Variants in RNF115 observed in about 807,000 individuals in gnomAD.
RNF115 encodes E3 ubiquitin-protein ligase RNF115.
RNF115 carries 31 observed loss-of-function variants against 39.2 expected under a neutral mutation model. The ratio of observed to expected loss-of-function variants is 0.79; its 90% CI spans 0.59 to 1.07. RNF115 has a LOEUF of 1.07. Ranked by LOEUF, RNF115 falls within the 50% of genes least tolerant of loss-of-function variation. The pLI is 0.00. For missense variants in RNF115, 384 were observed against 381.7 expected (o/e 1.01, Z -0.05); for synonymous variants, 124 against 131.0 (o/e 0.95, Z 0.37).
chr1:145,761,686 G>C (rs1658512505), intron 4 of RNF115, among the ~76,000 whole-genome samples: 1 of 152,270 alleles, frequency 6.6e-6, no homozygotes, highest in African/African-American at 2.4e-5. Flanking sequence ...CTAGGGCGGT[G>C]CGGAAGGAAA....
chr1:145,811,044 A>G (rs1198136710), intron 1 of RNF115, among the ~76,000 whole-genome samples: 11 of 147,420 alleles, frequency 7.5e-5, no homozygotes, highest in African/African-American at 2.5e-4. Flanking sequence ...TTTTAAAAAA[A>G]TTTTTTGTAG....
At chr1:145,756,846 T>C (rs1285466053) in intron 4 of RNF115, among the ~76,000 whole-genome samples, 1 of 144,236 alleles carries the variant, frequency 6.9e-6, no homozygotes. Context: ...TTTTTTTTTT[T>C]TTTTTTTTTT....
chr1:145,788,685 T>A, intron 2 of RNF115: 2 of 657,488 alleles, frequency 3.0e-6, no homozygotes, highest in South Asian at 3.0e-5. Flanking sequence ...TATCACCACA[T>A]CTGCTATGAT....
chr1:145,774,494 C>T (rs782633243), intron 3 of RNF115, among the ~76,000 whole-genome samples: 7 of 152,018 alleles, frequency 4.6e-5, no homozygotes, highest in Non-Finnish European at 8.8e-5. Flanking sequence ...GGATTACAGG[C>T]ATGTGACACC....
intron 1 of RNF115, among the ~76,000 whole-genome samples, chr1:145,808,871 G>T (rs1224618560): frequency 1.2e-4 from 18 of 152,228 alleles, no homozygotes; most frequent in African/African-American, 4.1e-4. Flanking sequence ...ATAAGTTTGA[G>T]AGCAAAAATA....
chr1:145,802,567 A>G (rs1450018092), intron 1 of RNF115, among the ~76,000 whole-genome samples: 2 of 152,202 alleles, frequency 1.3e-5, no homozygotes, highest in East Asian at 3.9e-4. Context: ...TGTAATATAA[A>G]GACTTACTAC....
intron 1 of RNF115, among the ~76,000 whole-genome samples, chr1:145,799,446 C>T (rs587731655): frequency 6.6e-6 from 1 of 152,236 alleles, no homozygotes; most frequent in Admixed American, 6.5e-5. Context: ...GGGTGCTTTT[C>T]TTTTTCTTGC....
At chr1:145,816,950 T>C (rs1650019908) in intron 1 of RNF115, among the ~76,000 whole-genome samples, 1 of 82,848 alleles carries the variant, frequency 1.2e-5, no homozygotes, top group East Asian at 3.6e-4. Context: ...TTATTTTTTT[T>C]GTTGAGACAG....
intron 4 of RNF115, among the ~76,000 whole-genome samples, chr1:145,769,450 C>G (rs1044014342): frequency 6.6e-6 from 1 of 152,198 alleles, no homozygotes; most frequent in Non-Finnish European, 1.5e-5. Context: ...TTAGTAGCCA[C>G]TATAAAACCG....
chr1:145,820,431 C>A (rs201216639), intron 1 of RNF115, among the ~76,000 whole-genome samples: 2 of 151,188 alleles, frequency 1.3e-5, no homozygotes, highest in Admixed American at 1.3e-4. Flanking sequence ...AGAATAAATT[C>A]TGTCTCTATT....
At chr1:145,767,971 AAG>A (rs1647445310) in intron 4 of RNF115, among the ~76,000 whole-genome samples, 2 of 152,064 alleles carry the variant, frequency 1.3e-5, no homozygotes, top group South Asian at 4.2e-4. Flanking sequence ...AGACCATGGC[AAG>A]AGAGGGAGAG....
chr1:145,807,463 T>A (rs1649511271), intron 1 of RNF115, among the ~76,000 whole-genome samples: 1 of 152,208 alleles, frequency 6.6e-6, no homozygotes, highest in African/African-American at 2.4e-5. Context: ...TAGAGAATAA[T>A]AAACCAACAA....
At chr1:145,804,026 T>C (rs782644705) in intron 1 of RNF115, among the ~76,000 whole-genome samples, 6 of 152,208 alleles carry the variant, frequency 3.9e-5, no homozygotes, top group Non-Finnish European at 8.8e-5. Flanking sequence ...TATAAAATGA[T>C]AAATGAGCCA....
At chr1:145,802,165 C>G (rs963921163) in intron 1 of RNF115, among the ~76,000 whole-genome samples, 52 of 152,174 alleles carry the variant, frequency 3.4e-4, no homozygotes, top group African/African-American at 1.2e-3. Context: ...TCACTGGAAA[C>G]AGGAACCCAA....
At chr1:145,817,543 T>C (rs1159289098) in intron 1 of RNF115, among the ~76,000 whole-genome samples, 2 of 145,956 alleles carry the variant, frequency 1.4e-5, no homozygotes, top group East Asian at 1.9e-4. Context: ...CCTTTTTATA[T>C]ATTGACTATA....
At chr1:145,820,684 C>T (rs1480430569) in intron 1 of RNF115, among the ~76,000 whole-genome samples, 1 of 151,964 alleles carries the variant, frequency 6.6e-6, no homozygotes, top group African/African-American at 2.4e-5. Flanking sequence ...TGTAGTGAAC[C>T]GAGATCGCAC....
intron 4 of RNF115, among the ~76,000 whole-genome samples, chr1:145,760,862 A>C (rs1400827127): frequency 3.3e-5 from 5 of 152,232 alleles, no homozygotes; most frequent in Non-Finnish European, 7.3e-5. Flanking sequence ...AAATGTGGGA[A>C]AATTTGGAAC....
chr1:145,782,449 T>C (rs1179212549), intron 3 of RNF115, among the ~76,000 whole-genome samples: 1 of 151,950 alleles, frequency 6.6e-6, no homozygotes, highest in African/African-American at 2.4e-5. Context: ...AGGCCCCATC[T>C]CTTAAAAACA....
At chr1:145,812,236 G>A (rs1490234428) in intron 1 of RNF115, among the ~76,000 whole-genome samples, 1 of 149,948 alleles carries the variant, frequency 6.7e-6, no homozygotes, top group Non-Finnish European at 1.5e-5. Context: ...ATTCAAATCT[G>A]TACAACATCA....
Sources: gnomAD v4.1 joint callset for allele counts (sites outside exome capture counted in the v4.1 genomes callset) on GRCh38, gnomAD v4.1.1 for gene constraint, MANE v1.5 for transcripts, NCBI Gene and HGNC (gene_info 2026-07-23, HGNC 2026-07-21) for gene names.